DDX42: variants seen among roughly 807,000 people sequenced by gnomAD.
DDX42 encodes ATP-dependent RNA helicase DDX42.
A neutral mutation model predicts 101.5 loss-of-function variants in DDX42; 22 were observed. That is an observed-to-expected ratio of 0.22 (90% CI 0.15 to 0.31). DDX42 has a LOEUF of 0.31. DDX42 is among the 10% of genes least tolerant of loss of function. The pLI, the probability that DDX42 is intolerant of heterozygous loss-of-function variation, is 1.00. For synonymous variants in DDX42, 402 were observed against 401.2 expected (o/e 1.00, Z -0.02); for missense variants, 849 against 1,199.9 (o/e 0.71, Z 4.32).
chr17:63,785,779 A>G (rs556726030), intron 1 of DDX42, among the ~76,000 whole-genome samples: 3 of 152,282 alleles, frequency 2.0e-5, no homozygotes, highest in Admixed American at 6.5e-5. Context: ...TAGTGTTTCT[A>G]TTGGGCAGTT....
intron 1 of DDX42, among the ~76,000 whole-genome samples, chr17:63,785,470 AT>A (rs2039536167): frequency 1.4e-5 from 2 of 138,840 alleles, no homozygotes; most frequent in South Asian, 4.7e-4. Context: ...AAACAAAAAA[AT>A]TTTTTTTGGG....
Position 63,807,833 on chromosome 17 carries a change from A to G in DDX42, c.956A>G (p.Lys319Arg). ...ATGTTGATTCATATAATGGACCAGA[A>G]GGAGTTGGAACCAGGTGATGGACCA... ...WPMLIHIMDQ[K>R]ELEPGDGPIA... is the part of the protein sequence containing the mutation. The change falls in exon 9 of 18, where the codon AAG becomes AGG. Residue 319 changes from lysine to arginine, a missense_variant. Lys to Arg is a conservative substitution (Grantham distance 26). Coordinates refer to ENST00000389924, the MANE Select transcript of DDX42 (RefSeq NM_203499.3). 6.2e-7 allele frequency: 1 copy of G among 1,614,192 alleles called. No individual in the cohort carries two copies. The highest frequency in any genetic ancestry group is 8.5e-7 in the Non-Finnish European group (1 of 1,180,028).
chr17:63,813,170 A>T, intron 14 of DDX42, 58 bp from the exon 15 acceptor site: 2 of 1,473,724 alleles, frequency 1.4e-6, no homozygotes, highest in Non-Finnish European at 9.2e-7. Context: ...ATTTCTGGTT[A>T]CTTTGATCTT....
At chr17:63,811,753 A>G in intron 13 of DDX42, 179 bp from the exon 14 acceptor site, 2 of 735,296 alleles carry the variant, frequency 2.7e-6, no homozygotes, top group African/African-American at 1.7e-5. Context: ...CCAGGTGGAG[A>G]GCAAGGTGAT....
chr17:63,775,043 C>T (rs533714108), intron 1 of DDX42: 10 of 152,712 alleles, frequency 6.5e-5, no homozygotes, highest in African/African-American at 2.4e-4. Flanking sequence ...TTTCTTGTGG[C>T]TTCCCTGTGT....
At chr17:63,782,133 C>A (rs2039495857) in intron 1 of DDX42, among the ~76,000 whole-genome samples, 1 of 152,122 alleles carries the variant, frequency 6.6e-6, no homozygotes, top group Admixed American at 6.6e-5. Context: ...CAAAAATTAG[C>A]TGGGCACGGT....
intron 12 of DDX42, 142 bp from the exon 13 acceptor site, chr17:63,810,934 A>G (rs538828090): frequency 7.6e-6 from 5 of 656,804 alleles, no homozygotes; most frequent in African/African-American, 7.3e-5. Flanking sequence ...ATCTTTCCCT[A>G]GTGAATCAGT....
At position 63,818,436 on chromosome 17, in the gene DDX42, T is replaced by C. The variant is rs1386803850; in HGVS notation, c.*38T>C. 3.2e-6 allele frequency: 5 copies of C among 1,573,132 alleles called. No homozygotes were observed. The South Asian group carries it at 4.6e-5, about 15-fold the overall frequency. Reference sequence around the variant, plus strand: ...AAAGCGTGAAATCAGTTGTCCTTAATTTTTAGAAAGATTTTGGTAACTAGG... The same window carrying C: ...AAAGCGTGAAATCAGTTGTCCTTAACTTTTAGAAAGATTTTGGTAACTAGG... On this transcript the variant is annotated 3_prime_UTR_variant, in exon 18 of 18. Coordinates refer to ENST00000389924, the MANE Select transcript of DDX42 (RefSeq NM_203499.3).
intron 7 of DDX42, chr17:63,805,555 G>T: frequency 6.3e-6 from 1 of 159,880 alleles, no homozygotes. Flanking sequence ...CATATAGTAT[G>T]CTTTATTTTA....
Position 63,804,563 on chromosome 17 carries a change from T to C in DDX42, c.622-508T>C, listed in dbSNP as rs180806831. Among the ~76,000 whole-genome samples the C allele has an allele frequency of 2.6e-5, 4 of 152,372 alleles. No homozygotes were observed. In the East Asian group the frequency reaches 7.7e-4, roughly 29 times the overall value. ...GTTAAACAGCTTTATTCAAAACATA[T>C]TTAAATGTTATATGGTGAAATATCT... On this transcript the variant is annotated intron_variant, in intron 6 of 17. Coordinates refer to ENST00000389924, the MANE Select transcript of DDX42 (RefSeq NM_203499.3).
In DDX42 at chr17:63,810,545, C is replaced by T. The variant is rs767497778; in HGVS notation, c.1285C>T (p.Arg429Cys). 5.6e-6 allele frequency: 9 copies of T among 1,613,866 alleles called. No homozygotes were observed. The highest frequency in any genetic ancestry group is 2.2e-5 in the East Asian group (1 of 44,882). The change falls in exon 12 of 18, where the codon CGT becomes TGT. Residue 429 changes from arginine to cysteine, a missense_variant. Arg to Cys is a radical substitution (Grantham distance 180). This residue lies in a region of DDX42 where 370 missense variants were observed against 608.8 expected (regional missense o/e 0.61). Coordinates refer to ENST00000389924, the MANE Select transcript of DDX42 (RefSeq NM_203499.3). ...YQVRSIASHV[R>C]PDRQTLLFSA... ...AGTTCGATCCATAGCAAGTCATGTTCGTCCTGACAGGCAGAGTATGTATGA... is the reference window on the plus strand; with the variant it reads ...AGTTCGATCCATAGCAAGTCATGTTTGTCCTGACAGGCAGAGTATGTATGA...
Position 63,817,780 on chromosome 17 carries a change from T to C in DDX42, c.2199T>C (p.Ser733=). Residue 733 remains serine, a synonymous_variant, in exon 18 of 18, where the codon AGT becomes AGC. Coordinates refer to ENST00000389924, the MANE Select transcript of DDX42 (RefSeq NM_203499.3). ...CTGCTGGGGCAAGTGGGTGGACTAG[T>C]GCAGGGAGCTTGAATTCTGTTCCAA... ...SSAAGASGWT[S]AGSLNSVPTN... is the part of the protein sequence containing the mutation. 1 of 1,614,194 alleles carries C rather than the reference T, an allele frequency of 6.2e-7. No individual in the cohort carries two copies. Among genetic ancestry groups the C allele is most frequent in the South Asian group, 1.1e-5 (1 of 91,092 alleles).
intron 5 of DDX42, 64 bp downstream of exon 5, chr17:63,799,689 C>A: frequency 6.6e-7 from 1 of 1,503,892 alleles, no homozygotes; most frequent in South Asian, 1.3e-5. Context: ...TGGGGACAAG[C>A]TAGAGCTTGC....
At chr17:63,810,212 A>G in intron 11 of DDX42, 1 of 210,170 alleles carries the variant, frequency 4.8e-6, no homozygotes, top group Non-Finnish European at 9.1e-6. Context: ...CAGCCTCCTG[A>G]GTAGTTGGGG....
rs11079514 is a variant in DDX42 at position 63,795,709 on chromosome 17, T to C, written c.373-2329T>C. Among the ~76,000 whole-genome samples the C allele has an allele frequency of 7.7e-3, 1,174 of 152,310 alleles. 5 individuals are homozygous for C. Among genetic ancestry groups the C allele is most frequent in the Non-Finnish European group, 0.012 (797 of 68,018 alleles). ...TATCAGATATCAGAAAACAAAAGAC[T>C]CAGGGTGATGTAAGAAAAATTAGAG... On this transcript the variant is annotated intron_variant, in intron 3 of 17. Coordinates refer to ENST00000389924, the MANE Select transcript of DDX42 (RefSeq NM_203499.3).
intron 6 of DDX42, among the ~76,000 whole-genome samples, 192 bp from the exon 7 acceptor site, chr17:63,804,879 T>G (rs2039819944): frequency 6.6e-6 from 1 of 152,202 alleles, no homozygotes; most frequent in Non-Finnish European, 1.5e-5. Context: ...GTGTTTATAT[T>G]GAAAATAGGA....
At chr17:63,797,992 A>G (rs747011997) in intron 3 of DDX42, 46 bp from the exon 4 acceptor site, 12 of 1,551,968 alleles carry the variant, frequency 7.7e-6, no homozygotes, top group Non-Finnish European at 8.7e-6. Flanking sequence ...TGTTTCTTTC[A>G]GTGTTTTTAG....
Position 63,787,149 on chromosome 17 carries a change from C to A in DDX42, c.100C>A (p.Gln34Lys), listed in dbSNP as rs1464274371. 1 of 1,614,096 alleles carries A rather than the reference C, an allele frequency of 6.2e-7. No homozygotes were observed. Among genetic ancestry groups the A allele is most frequent in the Non-Finnish European group, 8.5e-7 (1 of 1,180,050 alleles). The stretch of plus-strand genomic sequence containing the variant: ...AAAGGAGGAACCCAAACTCCCACAG[C>A]AGTCCCACAGTGCCTTTGGGGCAAC... ...GKKEEPKLPQQSHSAFGATSS... is the reference protein window; with the variant it reads ...GKKEEPKLPQKSHSAFGATSS... Residue 34 changes from glutamine (Q) to lysine (K), a missense_variant, in exon 2 of 18, where the codon CAG becomes AAG. Gln to Lys is a moderately conservative substitution (Grantham distance 53). This residue lies in a region of DDX42 where 92 missense variants were observed against 106.7 expected (regional missense o/e 0.86). Coordinates refer to ENST00000389924, the MANE Select transcript of DDX42 (RefSeq NM_203499.3).
rs755821457 is a variant in DDX42 at position 63,808,816 on chromosome 17, G to C, written c.1024-4G>C. ...TTGTTAATATATTATTCACAACTTT[G>C]TAGATCCATGCAGAATGTAAGCGGT... On this transcript the variant is annotated splice_region_variant and splice_polypyrimidine_tract_variant and intron_variant, in intron 9 of 17. Coordinates refer to ENST00000389924, the MANE Select transcript of DDX42 (RefSeq NM_203499.3). 1 of 1,613,658 alleles carries C rather than the reference G, an allele frequency of 6.2e-7. No individual in the cohort carries two copies. The highest frequency in any genetic ancestry group is 1.1e-5 in the South Asian group (1 of 91,064).
Sources: allele counts gnomAD v4.1 joint callset (sites outside exome capture counted in the v4.1 genomes callset), GRCh38; gene constraint gnomAD v4.1.1; regional missense constraint gnomAD v4.1.1; transcripts MANE v1.5; gene names NCBI Gene and HGNC (gene_info 2026-07-23, HGNC 2026-07-21).